Variants in APAF1 observed in about 807,000 individuals in gnomAD.
The protein encoded by APAF1 is apoptotic protease-activating factor 1.
In APAF1, 91 loss-of-function variants were observed where a neutral mutation model predicts 152.4. The observed-to-expected ratio is 0.60, with a 90% CI of 0.50 to 0.71. APAF1 has a LOEUF of 0.71. Among genes scored for constraint, APAF1 ranks in the 30% least tolerant of loss-of-function variants. The probability of loss-of-function intolerance (pLI) is 0.00; values close to 1 mark genes in which losing one functional copy is unlikely to be tolerated. For missense variants in APAF1, 1,283 were observed against 1,472.0 expected (o/e 0.87, Z 2.10); for synonymous variants, 484 against 494.1 (o/e 0.98, Z 0.27).
At chr12:98,730,981 A>T (rs1034050998) in intron 26 of APAF1, among the ~76,000 whole-genome samples, 5 of 152,248 alleles carry the variant, frequency 3.3e-5, no homozygotes, top group Admixed American at 3.3e-4. Context: ...GGGAAAGCTG[A>T]TCTGAAGTAT....
rs767600058 is a variant in APAF1 at position 98,649,583 on chromosome 12, A to G, written c.425A>G (p.Lys142Arg). ...AATGCAATTCAGCAGAAGCTCTCCA[A>G]ATTGAAAGGTGAACCAGGATGGGTC... is the stretch of plus-strand genomic sequence containing the variant. ...LVNAIQQKLSKLKGEPGWVTI... is the reference protein window; with the variant it reads ...LVNAIQQKLSRLKGEPGWVTI... Residue 142 changes from lysine to arginine, a missense_variant, in exon 4 of 27, where the codon AAA becomes AGA. Physicochemically the swap from Lys to Arg is conservative, Grantham distance 26 (BLOSUM62 2). Transcript: ENST00000551964. 1 of 1,614,232 alleles carries G rather than the reference A, an allele frequency of 6.2e-7. No homozygotes were observed. Among genetic ancestry groups the G allele is most frequent in the South Asian group, 1.1e-5 (1 of 91,084 alleles).
At position 98,725,475 on chromosome 12, in the gene APAF1, C is replaced by T. The variant is rs760531403; in HGVS notation, c.3391C>T (p.Arg1131Cys). The change falls in exon 25 of 27, where the codon CGC becomes TGC. Residue 1131 changes from arginine to cysteine, a missense_variant. Transcript: ENST00000551964. Reference sequence around the variant, plus strand: ...ATTGAGGGGCCACAACGGCTGTGTGCGCTGCTCTGCCTTCTCTGTGGACAG... The same window carrying T: ...ATTGAGGGGCCACAACGGCTGTGTGTGCTGCTCTGCCTTCTCTGTGGACAG... ...HELRGHNGCVRCSAFSVDSTL... is the reference protein window; with the variant it reads ...HELRGHNGCVCCSAFSVDSTL... 8.7e-6 allele frequency: 14 copies of T among 1,613,918 alleles called. No homozygotes were observed. Among genetic ancestry groups the T allele is most frequent in the African/African-American group, 4.0e-5 (3 of 74,876 alleles).
intron 12 of APAF1, among the ~76,000 whole-genome samples, chr12:98,674,424 T>C (rs1193267984): frequency 1.3e-5 from 2 of 151,608 alleles, no homozygotes; most frequent in Non-Finnish European, 2.9e-5. Flanking sequence ...CTTAATACTT[T>C]CTTGTGAAGT....
In APAF1 at chr12:98,648,415, A is replaced by G; in HGVS notation, c.56A>G (p.Asp19Gly). 6.2e-7 allele frequency: 1 copy of G among 1,614,108 alleles called. No homozygotes were observed. Among genetic ancestry groups the G allele is most frequent in the Non-Finnish European group, 8.5e-7 (1 of 1,179,958 alleles). ...LLQHREALEK[D>G]IKTSYIMDHM... ...CAACATAGAGAAGCTCTGGAAAAGG[A>G]CATCAAGACATCCTACATCATGGAT... Residue 19 changes from aspartate (D) to glycine (G), a missense_variant, in exon 2 of 27, where the codon GAC becomes GGC. By Grantham distance (94) the Asp-to-Gly change is moderately conservative. Transcript: ENST00000551964.
At chr12:98,681,018 G>A (rs185809992) in intron 14 of APAF1, among the ~76,000 whole-genome samples, 83 of 152,236 alleles carry the variant, frequency 5.5e-4, no homozygotes, top group African/African-American at 1.0e-3. Flanking sequence ...TAATAATTAC[G>A]TTACTGGTCT....
At chr12:98,667,385 G>C in intron 9 of APAF1, 128 bp from the exon 10 acceptor site, 1 of 1,111,008 alleles carries the variant, frequency 9.0e-7, no homozygotes, top group Non-Finnish European at 1.3e-6. Context: ...CAAAGTGCTG[G>C]GATTACAGGC....
rs765077795 is a variant in APAF1 at position 98,648,382 on chromosome 12, G to T, written c.23G>T (p.Cys8Phe). 1 of 1,614,100 alleles carries T rather than the reference G, an allele frequency of 6.2e-7. No homozygotes were observed. Among genetic ancestry groups the T allele is most frequent in the Middle Eastern group, 1.7e-4 (1 of 6,060 alleles). MDAKARN[C>F]LLQHREALEK... ...AAGATGGATGCAAAAGCTCGAAATT[G>T]TTTGCTTCAACATAGAGAAGCTCTG... Residue 8 changes from cysteine to phenylalanine, a missense_variant, in exon 2 of 27, where the codon TGT (cysteine) becomes TTT (phenylalanine). By Grantham distance (205) the Cys-to-Phe change is radical. Transcript: ENST00000551964.
chr12:98,664,281 T>G (rs1170502834), intron 7 of APAF1, among the ~76,000 whole-genome samples: 1 of 152,146 alleles, frequency 6.6e-6, no homozygotes, highest in Non-Finnish European at 1.5e-5. Flanking sequence ...CCACCCAAAG[T>G]GCTGGGATTA....
chr12:98,650,506 T>C (rs2097647619), intron 4 of APAF1, among the ~76,000 whole-genome samples: 1 of 151,938 alleles, frequency 6.6e-6, no homozygotes, highest in African/African-American at 2.4e-5. Context: ...TTTTTTGTTT[T>C]TTTTTTTTTG....
At chr12:98,682,863 CAT>C (rs557318911) in intron 14 of APAF1, among the ~76,000 whole-genome samples, 252 of 152,308 alleles carry the variant, frequency 1.7e-3, no homozygotes, top group Non-Finnish European at 2.9e-3. Flanking sequence ...TTCATATAAA[CAT>C]GTGAAATCTT....
chr12:98,651,740 G>T (rs1280211510), intron 4 of APAF1, among the ~76,000 whole-genome samples: 2 of 152,104 alleles, frequency 1.3e-5, no homozygotes, highest in East Asian at 3.9e-4. Context: ...GCTCACTGCA[G>T]CCTCAAACTT....
chr12:98,712,112 G>A (rs1386055268), intron 20 of APAF1, among the ~76,000 whole-genome samples: 1 of 152,210 alleles, frequency 6.6e-6, no homozygotes, highest in Non-Finnish European at 1.5e-5. Flanking sequence ...TTATGAAAAT[G>A]TATTTGAACC....
intron 14 of APAF1, among the ~76,000 whole-genome samples, chr12:98,680,999 T>G (rs1195476343): frequency 6.6e-6 from 1 of 152,226 alleles, no homozygotes; most frequent in Non-Finnish European, 1.5e-5. Flanking sequence ...ACCAGGTGGA[T>G]GAACAAACTA....
At chr12:98,655,358 CG>C (rs1274675909) in intron 4 of APAF1, among the ~76,000 whole-genome samples, 7 of 151,392 alleles carry the variant, frequency 4.6e-5, no homozygotes, top group Admixed American at 6.6e-5. Context: ...ACCTCCCAGA[CG>C]GGGTGGTGGC....
rs571680313 is a variant in APAF1, at chr12:98,684,106, G to T, written c.2178+832G>T. On this transcript the variant is annotated intron_variant, in intron 15 of 26. Coordinates refer to ENST00000551964, the MANE Select transcript of APAF1 (RefSeq NM_181861.2). ...CAATTGAACATGATATTTTTGAGAG[G>T]GGTAGTAAAAGACATTTCAGTTTGG... 4.6e-5 allele frequency among the ~76,000 whole-genome samples: 7 copies of T among 151,984 alleles called. No homozygotes were observed. In the South Asian group the frequency reaches 1.2e-3, roughly 27 times the overall value.
intron 21 of APAF1, among the ~76,000 whole-genome samples, chr12:98,712,994 T>G (rs946946180): frequency 2.0e-5 from 3 of 151,994 alleles, no homozygotes; most frequent in African/African-American, 7.2e-5. Flanking sequence ...ATTTTTCTGT[T>G]TTTGTAGAGA....
intron 10 of APAF1, among the ~76,000 whole-genome samples, chr12:98,670,177 C>T (rs2097678322): frequency 6.6e-6 from 1 of 152,070 alleles, no homozygotes; most frequent in South Asian, 2.1e-4. Context: ...CCCCTGGGCT[C>T]GAGTAATCCA....
At chr12:98,704,030 C>T (rs563380073) in intron 18 of APAF1, among the ~76,000 whole-genome samples, 3 of 152,078 alleles carry the variant, frequency 2.0e-5, no homozygotes, top group Non-Finnish European at 2.9e-5. Context: ...GAATGTATAC[C>T]TAGCTGGCCC....
intron 4 of APAF1, 64 bp downstream of exon 4, chr12:98,649,748 T>C (rs1191083221): frequency 1.5e-6 from 2 of 1,370,916 alleles, no homozygotes; most frequent in Non-Finnish European, 2.0e-6. Flanking sequence ...TATTATGATA[T>C]ATCAATACGT....
Sources: gnomAD v4.1 joint callset for allele counts (sites outside exome capture counted in the v4.1 genomes callset) on GRCh38, gnomAD v4.1.1 for gene constraint, MANE v1.5 for transcripts, NCBI Gene and HGNC (gene_info 2026-07-23, HGNC 2026-07-21) for gene names.